ECSIT: variants seen among roughly 807,000 people sequenced by gnomAD.
ECSIT encodes ECSIT signaling integrator.
ECSIT carries 29 observed loss-of-function variants against 36.8 expected under a neutral mutation model. The ratio of observed to expected loss-of-function variants is 0.79; its 90% CI spans 0.59 to 1.08. ECSIT has a LOEUF of 1.08. ECSIT is among the 50% of genes least tolerant of loss of function. The pLI is 0.00. For synonymous variants in ECSIT, 231 were observed against 234.8 expected, an observed-to-expected ratio of 0.98 and a Z score of 0.15; for missense variants, 542 against 581.0, an observed-to-expected ratio of 0.93 and a Z score of 0.69.
At chr19:11,515,459 CTTTTTCTT>C (rs1971979094) in intron 2 of ECSIT, among the ~76,000 whole-genome samples, 1 of 147,466 alleles carries the variant, frequency 6.8e-6, no homozygotes, top group African/African-American at 2.4e-5. Context: ...CCCCTTCTTT[CTTTTTCTT>C]TTTTTCTTGA....
chr19:11,518,997 G>A, intron 2 of ECSIT, 78 bp downstream of exon 2: 1 of 1,256,328 alleles, frequency 8.0e-7, no homozygotes, highest in Non-Finnish European at 1.1e-6. Flanking sequence ...TGGCTTCACA[G>A]AGTGGATTCT....
intron 1 of ECSIT, chr19:11,522,021 C>G (rs1338167332): frequency 1.9e-5 from 5 of 269,190 alleles, no homozygotes; most frequent in African/African-American, 9.2e-5. Flanking sequence ...GCTGCCTGCT[C>G]ACTCCCAAAT....
intron 6 of ECSIT, 21 bp from the exon 7 acceptor site, chr19:11,507,583 CAGGCGGGGTCAG>C: frequency 1.9e-6 from 3 of 1,613,256 alleles, no homozygotes; most frequent in African/African-American, 1.3e-5. Context: ...GTGGGGAGTG[CAGGCGGGGTCAG>C]AGGCCAGGGC....
At chr19:11,528,428 G>C (rs886449145) in intron 1 of ECSIT, among the ~76,000 whole-genome samples, 1 of 152,048 alleles carries the variant, frequency 6.6e-6, no homozygotes, top group African/African-American at 2.4e-5. Context: ...ATTTTTTGTA[G>C]AGAACAGGGT....
chr19:11,523,277 T>C (rs1972145302), intron 1 of ECSIT, among the ~76,000 whole-genome samples: 1 of 152,174 alleles, frequency 6.6e-6, no homozygotes, highest in South Asian at 2.1e-4. Flanking sequence ...ATTTTCTTAA[T>C]AACATTTTCT....
intron 4 of ECSIT, among the ~76,000 whole-genome samples, chr19:11,511,764 G>A (rs1267723496): frequency 6.6e-6 from 1 of 152,186 alleles, no homozygotes; most frequent in Non-Finnish European, 1.5e-5. Flanking sequence ...GCCGGGCACA[G>A]TGGCTCACGC....
chr19:11,515,893 A>G (rs1331642613), intron 2 of ECSIT, among the ~76,000 whole-genome samples: 1 of 151,916 alleles, frequency 6.6e-6, no homozygotes, highest in Admixed American at 6.6e-5. Context: ...CGGCCTCCCA[A>G]AGTGCTGGGA....
rs1972274764 is a variant in ECSIT at position 11,529,102 on chromosome 19, C to T, written c.-64G>A. On this transcript the variant is annotated 5_prime_UTR_variant, in exon 1 of 8. Transcript: ENST00000270517. ...GCCGCGGACTCCAGGCCAGCTCTGT[C>T]TTGTTGCTGGGCGCTGCCATATTGG... is the stretch of plus-strand genomic sequence containing the variant. The T allele has an allele frequency of 1.3e-5, 2 of 152,372 alleles. No homozygotes were observed. The highest frequency in any genetic ancestry group is 6.5e-5 in the Admixed American group (1 of 15,300). The allele number at this position is 152,372 out of a possible 1,614,324, so 9.4% of individuals were successfully genotyped here.
chr19:11,523,374 A>G, intron 1 of ECSIT: 1 of 457,734 alleles, frequency 2.2e-6, no homozygotes, highest in Non-Finnish European at 3.9e-6. Context: ...GCCACTGCCG[A>G]GTTGCGCGGA....
chr19:11,528,583 G>A (rs1014129823), intron 1 of ECSIT, among the ~76,000 whole-genome samples: 4 of 152,204 alleles, frequency 2.6e-5, no homozygotes, highest in South Asian at 2.1e-4. Flanking sequence ...GTTCCCCCAG[G>A]AGATGAGAGA....
At chr19:11,511,191 T>G (rs1026384074) in intron 4 of ECSIT, among the ~76,000 whole-genome samples, 1 of 152,180 alleles carries the variant, frequency 6.6e-6, no homozygotes, top group African/African-American at 2.4e-5. Context: ...TGACAAGTGC[T>G]GTGAGGGGCT....
rs191212440 is a variant in ECSIT at position 11,508,624 on chromosome 19, C to G, written c.739-576G>C. On this transcript the variant is annotated intron_variant, in intron 4 of 7. Coordinates refer to ENST00000270517, the MANE Select transcript of ECSIT (RefSeq NM_016581.5). ...CTGGAGTGCAATGGCATGATCTCGG[C>G]TCACTATAGCCTCCGCCTCCTGGGT... Among the ~76,000 whole-genome samples, 370 of 152,058 alleles carry G rather than the reference C, an allele frequency of 2.4e-3. 2 individuals are homozygous for G. The highest frequency in any genetic ancestry group is 3.4e-3 in the Middle Eastern group (1 of 294).
intron 2 of ECSIT, among the ~76,000 whole-genome samples, chr19:11,515,314 A>G (rs1422691228): frequency 6.6e-6 from 1 of 150,798 alleles, no homozygotes. Context: ...TGTGTTAGTC[A>G]GGATGGTCTC....
chr19:11,522,280 G>A (rs1342005157), intron 1 of ECSIT: 8 of 642,642 alleles, frequency 1.2e-5, no homozygotes, highest in East Asian at 2.7e-5. Context: ...CACCACGGGC[G>A]CTGTCACCCA....
At chr19:11,512,653 G>A (rs546110391) in intron 4 of ECSIT, among the ~76,000 whole-genome samples, 5 of 152,022 alleles carry the variant, frequency 3.3e-5, no homozygotes, top group South Asian at 2.1e-4. Context: ...CTCAATTCAC[G>A]GCCAGGCACA....
rs567753125 is a variant in ECSIT at position 11,514,185 on chromosome 19, C to T, written c.133G>A (p.Ala45Thr). The part of the protein sequence containing the change: ...RRLPRGLHCS[A>T]AAHSSEQSLV... The stretch of plus-strand genomic sequence containing the variant: ...GACTGTTCAGAGCTATGGGCAGCTG[C>T]GCTGCAGTGGAGGCCCCGAGGGAGC... Residue 45 changes from alanine (A) to threonine (T), a missense_variant, in exon 3 of 8, where the codon GCA becomes ACA. Physicochemically the swap from Ala to Thr is moderately conservative, Grantham distance 58 (BLOSUM62 0). Transcript: ENST00000270517. 1.6e-4 allele frequency: 255 copies of T among 1,609,062 alleles called. 1 individual carries two copies. The South Asian group carries it at 1.8e-3, about 11-fold the overall frequency.
Position 11,506,268 on chromosome 19 carries a change from A to G in ECSIT, c.1212T>C (p.Ser404=). The G allele has an allele frequency of 1.2e-6, 2 of 1,611,828 alleles. No homozygotes were observed. The highest frequency in any genetic ancestry group is 1.7e-6 in the Non-Finnish European group (2 of 1,179,830). Residue 404 remains serine (S), a synonymous_variant, in exon 8 of 8, where the codon TCT becomes TCC. Transcript: ENST00000270517. ...GCAGGGGCGGCTCCTCCAGCCCTGCAGAGGATGTCTGGAGCTCCCGGGTGG... is the reference window on the plus strand; with the variant it reads ...GCAGGGGCGGCTCCTCCAGCCCTGCGGAGGATGTCTGGAGCTCCCGGGTGG... ...AGSTRELQTS[S]AGLEEPPLPE...
rs373495105 is a variant in ECSIT, at chr19:11,507,836, C to T, written c.811G>A (p.Asp271Asn). ...QPHIVGIQSP[D>N]QQAALARHNP... Reference sequence around the variant, plus strand: ...TGGCGGGCCAGGGCGGCCTGCTGATCGGGACTCTGGATTCCTGGTGTGGAG... The same window carrying T: ...TGGCGGGCCAGGGCGGCCTGCTGATTGGGACTCTGGATTCCTGGTGTGGAG... The change falls in exon 6 of 8, where the codon GAT (aspartate) becomes AAT (asparagine). Residue 271 changes from aspartate to asparagine, a missense_variant. By Grantham distance (23) the Asp-to-Asn change is conservative. Coordinates refer to ENST00000270517, the MANE Select transcript of ECSIT (RefSeq NM_016581.5). 1.5e-5 allele frequency: 25 copies of T among 1,613,368 alleles called. No homozygotes were observed. The highest frequency in any genetic ancestry group is 8.0e-5 in the African/African-American group (6 of 74,918).
chr19:11,528,080 C>T (rs1972251584), intron 1 of ECSIT, among the ~76,000 whole-genome samples: 1 of 152,252 alleles, frequency 6.6e-6, no homozygotes, highest in African/African-American at 2.4e-5. Context: ...GCTTCAGCTA[C>T]ACTGTTTCTG....
Sources: gnomAD v4.1 joint callset for allele counts (sites outside exome capture counted in the v4.1 genomes callset) on GRCh38, gnomAD v4.1.1 for gene constraint, MANE v1.5 for transcripts, NCBI Gene and HGNC (gene_info 2026-07-23, HGNC 2026-07-21) for gene names.